The following EGFLAM variants were observed in gnomAD, a reference collection of about 807,000 sequenced individuals.
EGFLAM encodes the protein pikachurin.
In EGFLAM, 79 loss-of-function variants were observed where a neutral mutation model predicts 113.1. The ratio of observed to expected loss-of-function variants is 0.70; its 90% CI spans 0.58 to 0.84. The LOEUF (loss-of-function observed/expected upper bound fraction) is 0.84. EGFLAM is among the 40% of genes least tolerant of loss of function. EGFLAM has a pLI of 0.00. For synonymous variants in EGFLAM, 504 were observed against 487.6 expected (o/e 1.03, Z -0.44); for missense variants, 1,265 against 1,291.6 (o/e 0.98, Z 0.32).
intron 17 of EGFLAM, among the ~76,000 whole-genome samples, chr5:38,439,547 G>T (rs1446530805): frequency 1.3e-5 from 2 of 152,210 alleles, no homozygotes; most frequent in Non-Finnish European, 2.9e-5. Context: ...AATGGTAGGA[G>T]AAGTCATTTT....
intron 1 of EGFLAM, among the ~76,000 whole-genome samples, chr5:38,262,069 A>G (rs1340012962): frequency 6.6e-6 from 1 of 152,200 alleles, no homozygotes; most frequent in Admixed American, 6.5e-5. Flanking sequence ...AAAAGTCCTC[A>G]TTTTGCAATG....
intron 1 of EGFLAM, among the ~76,000 whole-genome samples, chr5:38,334,994 C>T (rs1739146951): frequency 6.6e-6 from 1 of 152,072 alleles, no homozygotes; most frequent in Non-Finnish European, 1.5e-5. Context: ...TGGGTAGAGA[C>T]CAGGGATGCT....
intron 17 of EGFLAM, 192 bp from the exon 18 acceptor site, chr5:38,448,109 G>A: frequency 3.3e-6 from 2 of 610,832 alleles, no homozygotes; most frequent in Non-Finnish European, 5.8e-6. Flanking sequence ...AAAAATGGGG[G>A]AGAAGCCAAC....
intron 1 of EGFLAM, among the ~76,000 whole-genome samples, chr5:38,284,686 G>C (rs1183732173): frequency 6.6e-6 from 1 of 152,166 alleles, no homozygotes; most frequent in Non-Finnish European, 1.5e-5. Context: ...CTGGCAAATA[G>C]CTTGATTCAA....
chr5:38,461,768 G>GTTTGAAAAATAGC (rs1743281673), intron 20 of EGFLAM, among the ~76,000 whole-genome samples: 1 of 152,132 alleles, frequency 6.6e-6, no homozygotes, highest in African/African-American at 2.4e-5. Context: ...GGCTGGATAG[G>GTTTGAAAAATAGC]TTTGAAAAAT....
At chr5:38,328,472 G>C (rs1180718037) in intron 1 of EGFLAM, among the ~76,000 whole-genome samples, 1 of 152,132 alleles carries the variant, frequency 6.6e-6, no homozygotes, top group Non-Finnish European at 1.5e-5. Context: ...CCAAGGATAA[G>C]AACGGATTTA....
chr5:38,316,237 C>A (rs1003686051), intron 1 of EGFLAM, among the ~76,000 whole-genome samples: 3 of 152,140 alleles, frequency 2.0e-5, no homozygotes, highest in Non-Finnish European at 4.4e-5. Context: ...CTCAGAGCAA[C>A]CCCAGGCTCT....
chr5:38,366,436 C>T (rs889048304), intron 5 of EGFLAM, among the ~76,000 whole-genome samples: 12 of 152,180 alleles, frequency 7.9e-5, no homozygotes, highest in Middle Eastern at 3.2e-3. Context: ...CTTACACTTC[C>T]GTGGAGCCTC....
intron 13 of EGFLAM, 103 bp from the exon 14 acceptor site, chr5:38,426,906 G>A (rs1742027769): frequency 6.0e-6 from 9 of 1,502,014 alleles, no homozygotes; most frequent in Non-Finnish European, 8.0e-6. Context: ...GCTGGGAATT[G>A]TAGTTTAGGT....
chr5:38,360,731 T>C (rs1739898109), intron 5 of EGFLAM, among the ~76,000 whole-genome samples: 1 of 152,216 alleles, frequency 6.6e-6, no homozygotes, highest in Non-Finnish European at 1.5e-5. Flanking sequence ...GCTCAATCAA[T>C]GCAAACTATT....
intron 1 of EGFLAM, among the ~76,000 whole-genome samples, chr5:38,283,728 G>A (rs1561262465): frequency 6.6e-6 from 1 of 152,190 alleles, no homozygotes; most frequent in East Asian, 1.9e-4. Flanking sequence ...TGACTCCATG[G>A]GATAGGCAGA....
intron 6 of EGFLAM, among the ~76,000 whole-genome samples, chr5:38,383,152 CCA>C (rs1163132916): frequency 1.3e-5 from 2 of 152,162 alleles, no homozygotes; most frequent in African/African-American, 4.8e-5. Context: ...AAAGTCCCAA[CCA>C]ACATGGGAGA....
chr5:38,454,379 A>C (rs1370261639), intron 19 of EGFLAM, among the ~76,000 whole-genome samples: 5 of 151,900 alleles, frequency 3.3e-5, no homozygotes, highest in African/African-American at 1.2e-4. Flanking sequence ...TGAGTTACCT[A>C]AATCTCAGCC....
In EGFLAM at chr5:38,322,144, C is replaced by T. The variant is rs893909449; in HGVS notation, c.98-15376C>T. Reference sequence around the variant, plus strand: ...TCATATGCACACGCATGGACACCTGCCCATAACCCTAGCTAGTGCTGTCCA... The same window carrying T: ...TCATATGCACACGCATGGACACCTGTCCATAACCCTAGCTAGTGCTGTCCA... On this transcript the variant is annotated intron_variant, in intron 1 of 21. Coordinates refer to ENST00000322350, the MANE Select transcript of EGFLAM (RefSeq NM_152403.4). 2.0e-5 allele frequency among the ~76,000 whole-genome samples: 3 copies of T among 152,176 alleles called. No homozygotes were observed. The South Asian group carries it at 6.2e-4, about 32-fold the overall frequency.
At chr5:38,344,363 G>A (rs1739421954) in intron 3 of EGFLAM, among the ~76,000 whole-genome samples, 1 of 151,958 alleles carries the variant, frequency 6.6e-6, no homozygotes, top group Admixed American at 6.6e-5. Flanking sequence ...GTGCACGCTT[G>A]TAATCCCAGC....
At chr5:38,293,039 G>A (rs1758372898) in intron 1 of EGFLAM, among the ~76,000 whole-genome samples, 1 of 152,176 alleles carries the variant, frequency 6.6e-6, no homozygotes, top group Non-Finnish European at 1.5e-5. Context: ...CTGCCATTGA[G>A]ACTCTGACTC....
intron 1 of EGFLAM, among the ~76,000 whole-genome samples, chr5:38,316,007 G>A (rs1374178991): frequency 6.6e-6 from 1 of 150,726 alleles, no homozygotes; most frequent in Non-Finnish European, 1.5e-5. Context: ...AACCCGGCAT[G>A]CGGAGGTTGC....
intron 12 of EGFLAM, among the ~76,000 whole-genome samples, chr5:38,424,705 GTAT>G (rs1741939930): frequency 6.6e-6 from 1 of 152,208 alleles, no homozygotes; most frequent in African/African-American, 2.4e-5. Context: ...GCCCAGAAAT[GTAT>G]TATTTGATTT....
chr5:38,326,901 C>A (rs573827301), intron 1 of EGFLAM, among the ~76,000 whole-genome samples: 2 of 151,098 alleles, frequency 1.3e-5, no homozygotes, highest in East Asian at 3.9e-4. Flanking sequence ...CAGGTTCAAG[C>A]GATTCTCCTG....
Sources: gnomAD v4.1 joint callset for allele counts (sites outside exome capture counted in the v4.1 genomes callset) on GRCh38, gnomAD v4.1.1 for gene constraint, MANE v1.5 for transcripts, NCBI Gene and HGNC (gene_info 2026-07-23, HGNC 2026-07-21) for gene names.